LPXN: variants seen among roughly 807,000 people sequenced by gnomAD.
The protein encoded by LPXN is leupaxin.
LPXN carries 28 observed loss-of-function variants against 45.6 expected under a neutral mutation model. That is an observed-to-expected ratio of 0.61 (90% confidence interval 0.45 to 0.84). LPXN has a LOEUF of 0.84. Among genes scored for constraint, LPXN ranks in the 40% least tolerant of loss-of-function variants. The pLI is 0.00. For synonymous variants in LPXN, 166 were observed against 169.9 expected, an observed-to-expected ratio of 0.98 and a Z score of 0.18; for missense variants, 459 against 475.0, an observed-to-expected ratio of 0.97 and a Z score of 0.31.
intron 7 of LPXN, among the ~76,000 whole-genome samples, chr11:58,536,686 G>T (rs187485594): frequency 6.1e-4 from 93 of 152,178 alleles, no homozygotes; most frequent in African/African-American, 2.1e-3. Flanking sequence ...AAGAGCTTCT[G>T]CACAGCAAAA....
chr11:58,527,906 A>G (rs1165003044), intron 8 of LPXN, 137 bp downstream of exon 8: 1 of 1,172,078 alleles, frequency 8.5e-7, no homozygotes, highest in Admixed American at 2.3e-5. Context: ...ATGGATCTGT[A>G]TCTCGTTTCT....
intron 2 of LPXN, among the ~76,000 whole-genome samples, chr11:58,568,198 C>G (rs1854579965): frequency 6.6e-6 from 1 of 152,212 alleles, no homozygotes; most frequent in Non-Finnish European, 1.5e-5. Flanking sequence ...CTTTAACAGG[C>G]AGCACCCTGC....
At chr11:58,566,097 G>A (rs570429214) in intron 2 of LPXN, among the ~76,000 whole-genome samples, 2 of 151,994 alleles carry the variant, frequency 1.3e-5, no homozygotes, top group East Asian at 3.9e-4. Context: ...AGATATTATT[G>A]TCTCTAGCAT....
At chr11:58,527,778 C>T (rs1007794886) in intron 8 of LPXN, 55 bp from the exon 9 acceptor site, 55 of 1,536,172 alleles carry the variant, frequency 3.6e-5, no homozygotes, top group Non-Finnish European at 4.7e-5. Context: ...GGTAAAATGT[C>T]AGCAAAGTAA....
intron 7 of LPXN, among the ~76,000 whole-genome samples, chr11:58,535,351 G>A (rs1210194076): frequency 1.3e-5 from 2 of 152,164 alleles, no homozygotes; most frequent in African/African-American, 2.4e-5. Flanking sequence ...TACCTGGGAC[G>A]CAAGGCTGGT....
At chr11:58,548,482 G>A (rs1853941112) in intron 7 of LPXN, among the ~76,000 whole-genome samples, 1 of 151,784 alleles carries the variant, frequency 6.6e-6, no homozygotes, top group African/African-American at 2.4e-5. Flanking sequence ...CTGACTTGTT[G>A]CCAGATGTAG....
chr11:58,562,165 T>C (rs189340748), intron 3 of LPXN, among the ~76,000 whole-genome samples: 237 of 152,350 alleles, frequency 1.6e-3, no homozygotes, highest in Non-Finnish European at 1.2e-3. Flanking sequence ...ATTATTTTTG[T>C]TTATGTAAAA....
chr11:58,557,928 A>C (rs1854257409), intron 3 of LPXN, among the ~76,000 whole-genome samples: 1 of 152,162 alleles, frequency 6.6e-6, no homozygotes, highest in Admixed American at 6.5e-5. Context: ...AATGTAATTC[A>C]AATAAAAATT....
At chr11:58,576,433 G>A (rs1854893808), upstream of LPXN, among the ~76,000 whole-genome samples, 1 of 152,146 alleles carries the variant, frequency 6.6e-6, no homozygotes, top group Non-Finnish European at 1.5e-5. Flanking sequence ...AGGAAGCCAG[G>A]TTTGACACCA....
At chr11:58,552,858 A>G (rs1159951289) in intron 4 of LPXN, among the ~76,000 whole-genome samples, 1 of 152,216 alleles carries the variant, frequency 6.6e-6, no homozygotes, top group Non-Finnish European at 1.5e-5. Context: ...CTACACCTAC[A>G]TCTCTATCTC....
upstream of LPXN, among the ~76,000 whole-genome samples, chr11:58,578,693 TGTG>T (rs779154323): frequency 5.9e-5 from 9 of 151,972 alleles, no homozygotes; most frequent in South Asian, 1.7e-3. Context: ...AAAGAGCCCT[TGTG>T]GTATCAGTGG....
At chr11:58,562,772 A>G (rs1440781959) in intron 3 of LPXN, among the ~76,000 whole-genome samples, 1 of 151,812 alleles carries the variant, frequency 6.6e-6, no homozygotes, top group East Asian at 1.9e-4. Flanking sequence ...TAAAGAAGAT[A>G]AAGCTGCTGA....
chr11:58,539,421 T>C (rs1274067185), intron 7 of LPXN, among the ~76,000 whole-genome samples: 1 of 152,194 alleles, frequency 6.6e-6, no homozygotes, highest in Non-Finnish European at 1.5e-5. Flanking sequence ...ATATCCTCAA[T>C]GAAGCAGTCT....
chr11:58,551,439 ATC>A (rs1400982469), intron 4 of LPXN, among the ~76,000 whole-genome samples: 1 of 152,242 alleles, frequency 6.6e-6, no homozygotes, highest in Non-Finnish European at 1.5e-5. Flanking sequence ...GCCAAATGAA[ATC>A]TGACTAATTT....
intron 7 of LPXN, 30 bp downstream of exon 7, chr11:58,549,756 T>C (rs1471381934): frequency 7.5e-6 from 12 of 1,602,662 alleles, no homozygotes; most frequent in Non-Finnish European, 9.4e-6. Context: ...CACTGGGGTG[T>C]GGGATACAGC....
At chr11:58,533,202 G>A (rs1241298003) in intron 7 of LPXN, among the ~76,000 whole-genome samples, 1 of 152,178 alleles carries the variant, frequency 6.6e-6, no homozygotes, top group Admixed American at 6.5e-5. Flanking sequence ...CTTCATTCTT[G>A]AAGTCAGTGA....
Position 58,550,138 on chromosome 11 carries a change from A to G in LPXN, c.495T>C (p.His165=), listed in dbSNP as rs1482630898. 6.2e-7 allele frequency: 1 copy of G among 1,613,466 alleles called. No individual in the cohort carries two copies. Among genetic ancestry groups the G allele is most frequent in the Admixed American group, 1.7e-5 (1 of 60,014 alleles). The part of the protein sequence containing the change: ...CQKPIAGKVI[H]ALGQSWHPEH... Reference sequence around the variant, plus strand: ...CAGGATGCCATGATTGCCCTAGAGCATGGATCACCTGTGGAGTGAAATAAA... The same window carrying G: ...CAGGATGCCATGATTGCCCTAGAGCGTGGATCACCTGTGGAGTGAAATAAA... The change falls in exon 6 of 9, where the codon CAT becomes CAC. Residue 165 remains histidine (H), a synonymous_variant. Coordinates refer to ENST00000395074, the MANE Select transcript of LPXN (RefSeq NM_004811.3).
At chr11:58,559,489 G>A (rs1854308137) in intron 3 of LPXN, among the ~76,000 whole-genome samples, 1 of 152,142 alleles carries the variant, frequency 6.6e-6, no homozygotes, top group Non-Finnish European at 1.5e-5. Flanking sequence ...AGAATAACAT[G>A]CAACTGCTAA....
chr11:58,541,150 CAA>C (rs1374786281), intron 7 of LPXN, among the ~76,000 whole-genome samples: 1 of 151,888 alleles, frequency 6.6e-6, no homozygotes, highest in East Asian at 1.9e-4. Flanking sequence ...ATGTCTAAAA[CAA>C]AAAAAGCAAT....
Sources: gnomAD v4.1 joint callset for allele counts (sites outside exome capture counted in the v4.1 genomes callset) on GRCh38, gnomAD v4.1.1 for gene constraint, MANE v1.5 for transcripts, NCBI Gene and HGNC (gene_info 2026-07-23, HGNC 2026-07-21) for gene names.